Variants in SLFN12L observed in about 807,000 individuals in gnomAD.
SLFN12L encodes schlafen family member 12 like, also known as schlafen family member 12-like.
In SLFN12L, 34 loss-of-function variants were observed where a neutral mutation model predicts 34.8. The observed-to-expected ratio is 0.98, with a 90% CI of 0.74 to 1.30. SLFN12L has a LOEUF of 1.30. Among genes scored for constraint, SLFN12L ranks in the 50% most tolerant of loss-of-function variants. The probability of loss-of-function intolerance (pLI) is 0.00; values close to 1 mark genes in which losing one functional copy is unlikely to be tolerated. For missense variants in SLFN12L, 703 were observed against 696.2 expected (o/e 1.01, Z -0.11); for synonymous variants, 259 against 247.5 (o/e 1.05, Z -0.44).
chr17:35,533,800 GCCAGACACCATAGCTCACGCCTGTAATC>G (rs1455538652), intron 1 of SLFN12L, among the ~76,000 whole-genome samples: 1 of 152,166 alleles, frequency 6.6e-6, no homozygotes, highest in African/African-American at 2.4e-5. Context: ...TGGGAAGCTG[GCCAGACACCATAGCTCACGCCTGTAATC>G]CCAGCACTTT....
chr17:35,498,169 C>G (rs1050180244), intron 2 of SLFN12L: 24 of 346,028 alleles, frequency 6.9e-5, no homozygotes, highest in African/African-American at 6.0e-4. Context: ...CATCTCGATC[C>G]GGGAGGCGGC....
chr17:35,498,195 G>A (rs1004818122), intron 2 of SLFN12L: 5 of 694,014 alleles, frequency 7.2e-6, no homozygotes, highest in East Asian at 2.6e-5. Context: ...GGGGAGCCGG[G>A]GCCGCCTGGG....
At position 35,522,797 on chromosome 17, in the gene SLFN12L, G is replaced by T; in HGVS notation, c.-433C>A. The T allele has an allele frequency of 1.3e-6, 2 of 1,539,592 alleles. No homozygotes were observed. Among genetic ancestry groups the T allele is most frequent in the Non-Finnish European group, 8.9e-7 (1 of 1,117,700 alleles). ...ATGCTATCAGCAGAGCATCACAGAT[G>T]ACTCCTGGCTTCTCCTGCAAATTCA... On this transcript the variant is annotated 5_prime_UTR_variant, in exon 2 of 5. Coordinates refer to ENST00000628453, the MANE Select transcript of SLFN12L (RefSeq NM_001363830.2).
chr17:35,508,473 A>G (rs1307597773), intron 2 of SLFN12L, among the ~76,000 whole-genome samples: 1 of 152,162 alleles, frequency 6.6e-6, no homozygotes, highest in Non-Finnish European at 1.5e-5. Context: ...CAGCCTCCTG[A>G]GTAGCTGGGA....
At chr17:35,515,044 C>A in intron 2 of SLFN12L, 1 of 564,674 alleles carries the variant, frequency 1.8e-6, no homozygotes, top group Non-Finnish European at 3.5e-6. Flanking sequence ...ACTCACTCCT[C>A]GGCCAGCTTC....
At chr17:35,526,715 A>T (rs192575814) in intron 1 of SLFN12L, among the ~76,000 whole-genome samples, 12 of 152,180 alleles carry the variant, frequency 7.9e-5, no homozygotes, top group African/African-American at 2.9e-4. Flanking sequence ...AGCAGTGTGT[A>T]GAGGGAAATT....
At chr17:35,520,911 G>A (rs142267818) in intron 2 of SLFN12L, among the ~76,000 whole-genome samples, 4 of 152,170 alleles carry the variant, frequency 2.6e-5, no homozygotes, top group African/African-American at 7.2e-5. Flanking sequence ...ACAAATCCCT[G>A]TTCCATCCTC....
intron 1 of SLFN12L, among the ~76,000 whole-genome samples, chr17:35,530,405 G>A (rs2072382184): frequency 8.8e-5 from 1 of 11,330 alleles, no homozygotes; most frequent in African/African-American, 2.7e-4. Context: ...AAGGAAGGAA[G>A]GAAGGAAGGA....
intron 1 of SLFN12L, among the ~76,000 whole-genome samples, chr17:35,536,927 G>A (rs981129812): frequency 3.9e-5 from 6 of 151,950 alleles, no homozygotes; most frequent in African/African-American, 1.5e-4. Context: ...TATAATCCCA[G>A]CACATTGGGA....
In SLFN12L at chr17:35,479,246, C is replaced by G; in HGVS notation, c.1036G>C (p.Ala346Pro). ...CAGCAGAAGCGTTCCACTCTGAGTGCATACACATATCCACAAAGCCTTCCT... is the reference window on the plus strand; with the variant it reads ...CAGCAGAAGCGTTCCACTCTGAGTGGATACACATATCCACAAAGCCTTCCT... The part of the protein sequence containing the change: ...DKGRLCGYVY[A>P]LRVERFCCAV... The change falls in exon 3 of 5, where the codon GCA (alanine) becomes CCA (proline). Residue 346 changes from alanine (A) to proline (P), a missense_variant. Transcript: ENST00000628453. The G allele has an allele frequency of 2.5e-6, 4 of 1,593,560 alleles. No individual in the cohort carries two copies. Among genetic ancestry groups the G allele is most frequent in the Non-Finnish European group, 3.4e-6 (4 of 1,168,444 alleles).
chr17:35,525,433 G>GA (rs1360614543), intron 1 of SLFN12L, among the ~76,000 whole-genome samples: 1 of 152,056 alleles, frequency 6.6e-6, no homozygotes, highest in African/African-American at 2.4e-5. Flanking sequence ...TGAAATGAAG[G>GA]AAAAAAATGT....
chr17:35,521,056 C>T lies in SLFN12L; in HGVS notation c.86+1223G>A, dbSNP rs1915982236. Among the ~76,000 whole-genome samples the T allele has an allele frequency of 2.0e-5, 3 of 152,106 alleles. No individual in the cohort carries two copies. In the South Asian group the frequency reaches 6.2e-4, roughly 31 times the overall value. On this transcript the variant is annotated intron_variant, in intron 2 of 4. Transcript: ENST00000628453. ...ATTGTGTGATTTTTAAGTTGACAAC[C>T]TATAACTCCAGCCTAACTATGAGAA...
Position 35,474,584 on chromosome 17 carries a change from C to G in SLFN12L, c.*339G>C, listed in dbSNP as rs1244604043. Reference sequence around the variant, plus strand: ...AAACATCCTTATCTATACTGATTATCTGGGAGATGCTGGAAATGTCAAAGG... The same window carrying G: ...AAACATCCTTATCTATACTGATTATGTGGGAGATGCTGGAAATGTCAAAGG... On this transcript the variant is annotated 3_prime_UTR_variant, in exon 5 of 5. Transcript: ENST00000628453. The G allele has an allele frequency of 8.9e-6, 2 of 224,908 alleles. No individual in the cohort carries two copies. Among genetic ancestry groups the G allele is most frequent in the Non-Finnish European group, 1.8e-5 (2 of 112,898 alleles). 13.9% of individuals were successfully genotyped at this position (224,908 alleles called of 1,614,324 possible).
At chr17:35,491,102 C>T (rs929652120) in intron 2 of SLFN12L, 6 of 777,844 alleles carry the variant, frequency 7.7e-6, no homozygotes, top group Non-Finnish European at 1.4e-5. Flanking sequence ...GCCTCCCCTG[C>T]TGCAAGATGA....
At chr17:35,495,168 G>A (rs1283897458) in intron 2 of SLFN12L, among the ~76,000 whole-genome samples, 2 of 152,122 alleles carry the variant, frequency 1.3e-5, no homozygotes, top group African/African-American at 4.8e-5. Flanking sequence ...CCAAAGTGAT[G>A]GGATTATAGG....
chr17:35,490,051 C>T, intron 2 of SLFN12L: 3 of 1,605,508 alleles, frequency 1.9e-6, no homozygotes, highest in Non-Finnish European at 2.6e-6. Context: ...CCTGTTCCCT[C>T]TCCCTCCAAA....
rs571780019 is a variant in SLFN12L at position 35,520,576 on chromosome 17, C to T, written c.86+1703G>A. 1.6e-3 allele frequency among the ~76,000 whole-genome samples: 238 copies of T among 152,180 alleles called. 1 individual carries two copies. The highest frequency in any genetic ancestry group is 2.8e-3 in the Non-Finnish European group (193 of 68,008). On this transcript the variant is annotated intron_variant, in intron 2 of 4. Transcript: ENST00000628453. ...CCTGGCCAACATGGCAAAACCCGTACTCTATTAAAAACACAAAAATTAGAC... is the reference window on the plus strand; with the variant it reads ...CCTGGCCAACATGGCAAAACCCGTATTCTATTAAAAACACAAAAATTAGAC...
At chr17:35,490,969 A>G in intron 2 of SLFN12L, 2 of 785,238 alleles carry the variant, frequency 2.5e-6, no homozygotes, top group Non-Finnish European at 2.4e-6. Flanking sequence ...CCAACTCAGG[A>G]CATAGCGATT....
chr17:35,480,339 A>G, intron 2 of SLFN12L, 144 bp from the exon 3 acceptor site: 1 of 571,322 alleles, frequency 1.8e-6, no homozygotes, highest in Non-Finnish European at 2.8e-6. Context: ...ATTTCTAACA[A>G]ATTTTGAGCT....
Sources: gnomAD v4.1 joint callset for allele counts (sites outside exome capture counted in the v4.1 genomes callset) on GRCh38, gnomAD v4.1.1 for gene constraint, MANE v1.5 for transcripts, NCBI Gene and HGNC (gene_info 2026-07-23, HGNC 2026-07-21) for gene names.